MFF: variants seen among roughly 807,000 people sequenced by gnomAD.
MFF encodes the protein chromosome 2 open reading frame 33.
Under a neutral mutation model 36.9 loss-of-function variants are expected in MFF, and 12 were observed. That is an observed-to-expected ratio of 0.33 (90% CI 0.21 to 0.53). MFF has a LOEUF of 0.53. Among genes scored for constraint, MFF ranks in the 20% least tolerant of loss-of-function variants. The pLI is 0.95. For missense variants in MFF, 348 were observed against 366.6 expected (o/e 0.95, Z 0.42); for synonymous variants, 99 against 126.2 (o/e 0.78, Z 1.44).
At position 227,347,220 on chromosome 2, in the gene MFF, A is replaced by T. The variant is rs1164621448; in HGVS notation, c.441-6A>T. On this transcript the variant is annotated splice_region_variant and splice_polypyrimidine_tract_variant and intron_variant, in intron 5 of 8. Coordinates refer to ENST00000304593, the MANE Select transcript of MFF (RefSeq NM_001277062.2). ...TTCTCTTCATTTGCTGTGCTTGTGT[A>T]AACAGTGTGACACCATCGCCACAAC... 3.7e-6 allele frequency: 6 copies of T among 1,612,390 alleles called. No individual in the cohort carries two copies. The East Asian group carries it at 1.1e-4, about 30-fold the overall frequency.
Position 227,340,274 on chromosome 2 carries a change from CTCTT to C in MFF, c.352-16_352-13del, listed in dbSNP as rs1559965734. The C allele has an allele frequency of 1.3e-6, 2 of 1,590,950 alleles. No homozygotes were observed. Among genetic ancestry groups the C allele is most frequent in the Admixed American group, 3.4e-5 (2 of 59,124 alleles). On this transcript the variant is annotated splice_polypyrimidine_tract_variant and intron_variant, in intron 4 of 8. Transcript: ENST00000304593. ...TAAGAATATTTCTATTTCCTTCCCTCTCTTTGTGCCTTAACAGATCCGAGCAGTT... is the reference window on the plus strand; with the variant it reads ...TAAGAATATTTCTATTTCCTTCCCTCTGTGCCTTAACAGATCCGAGCAGTT...
At chr2:227,352,964 T>C (rs2076074560) in intron 7 of MFF, among the ~76,000 whole-genome samples, 1 of 152,228 alleles carries the variant, frequency 6.6e-6, no homozygotes, top group African/African-American at 2.4e-5. Context: ...TCTGGAATGT[T>C]ACTTTTAGTG....
rs2074010288 is a variant in MFF, at chr2:227,325,394, G to C, written c.-186G>C. 1 of 155,466 alleles carries C rather than the reference G, an allele frequency of 6.4e-6. No homozygotes were observed. Among genetic ancestry groups the C allele is most frequent in the African/African-American group, 2.4e-5 (1 of 41,660 alleles). The allele number at this position is 155,466 out of a possible 1,614,324, so 9.6% of individuals were successfully genotyped here. On this transcript the variant is annotated 5_prime_UTR_variant, in exon 1 of 9. Transcript: ENST00000304593. ...GAGCGCCCCGGGAGCCAGAGGGCGG[G>C]GGTCCTCGCCGGGACCCTCCTGTGG...
chr2:227,345,071 C>T (rs2075637378), intron 5 of MFF, among the ~76,000 whole-genome samples: 1 of 152,142 alleles, frequency 6.6e-6, no homozygotes, highest in South Asian at 2.1e-4. Flanking sequence ...CAACCTTCTG[C>T]ATTCCATCTT....
rs750625651 is a variant in MFF at position 227,355,770 on chromosome 2, T to A, written c.744+9T>A. ...CTTCACTAAGACGACAGGTATTTAGTGTACCAAATAAGATATATTTCTCAG... is the reference window on the plus strand; with the variant it reads ...CTTCACTAAGACGACAGGTATTTAGAGTACCAAATAAGATATATTTCTCAG... On this transcript the variant is annotated intron_variant, in intron 8 of 8. Transcript: ENST00000304593. 110 of 1,506,466 alleles carry A rather than the reference T, an allele frequency of 7.3e-5. No homozygotes were observed. The highest frequency in any genetic ancestry group is 9.8e-5 in the Non-Finnish European group (107 of 1,092,780). 93.3% of individuals were successfully genotyped at this position (1,506,466 alleles called of 1,614,324 possible). A position where few individuals can be genotyped will look rare whatever the true frequency, so the allele number is the denominator to read the frequency against.
Position 227,357,282 on chromosome 2 carries a change from A to C in MFF, c.*165A>C, listed in dbSNP as rs183483171. The C allele has an allele frequency of 8.9e-3, 6,372 of 716,130 alleles. 77 individuals are homozygous for C. The highest frequency in any genetic ancestry group is 0.043 in the Middle Eastern group (108 of 2,528). The allele number at this position is 716,130 out of a possible 1,614,324, so 44.4% of individuals were successfully genotyped here. A position where few individuals can be genotyped will look rare whatever the true frequency, so the allele number is the denominator to read the frequency against. On this transcript the variant is annotated 3_prime_UTR_variant, in exon 9 of 9. Coordinates refer to ENST00000304593, the MANE Select transcript of MFF (RefSeq NM_001277062.2). The stretch of plus-strand genomic sequence containing the variant: ...GGAAGGACCTATATTTGTAGAAGTA[A>C]AGGTATATTCTGTCACTCAGCTGTA...
At position 227,348,097 on chromosome 2, in the gene MFF, A is replaced by G. The variant is rs2075805134; in HGVS notation, c.599+713A>G. Among the ~76,000 whole-genome samples the G allele has an allele frequency of 2.0e-5, 3 of 152,174 alleles. No homozygotes were observed. The South Asian group carries it at 6.2e-4, about 31-fold the overall frequency. On this transcript the variant is annotated intron_variant, in intron 6 of 8. Transcript: ENST00000304593. ...TTTTGGCATAGTGTGGGAAAGATAGAGTCAATTTCATTTCAACTCTGAACA... is the reference window on the plus strand; with the variant it reads ...TTTTGGCATAGTGTGGGAAAGATAGGGTCAATTTCATTTCAACTCTGAACA...
rs1193052353 is a variant in MFF, at chr2:227,352,508, C to T, written c.600-6C>T. On this transcript the variant is annotated splice_region_variant and splice_polypyrimidine_tract_variant and intron_variant, in intron 6 of 8. Transcript: ENST00000304593. The stretch of plus-strand genomic sequence containing the variant: ...TTGTGCCTTCTCCCGCAAAAACCTG[C>T]CTTAGACCTGTGTTGCGTGGTGGGT... The T allele has an allele frequency of 6.9e-7, 1 of 1,452,612 alleles. No homozygotes were observed. The highest frequency in any genetic ancestry group is 9.2e-7 in the Non-Finnish European group (1 of 1,081,508). 90.0% of individuals were successfully genotyped at this position (1,452,612 alleles called of 1,614,324 possible).
At chr2:227,335,171 CAA>C (rs386392817) in intron 4 of MFF, among the ~76,000 whole-genome samples, 5 of 128,656 alleles carry the variant, frequency 3.9e-5, no homozygotes, top group Admixed American at 1.6e-4. Flanking sequence ...CTCTGTCTCT[CAA>C]AAAAAAAAAA....
intron 1 of MFF, among the ~76,000 whole-genome samples, chr2:227,326,712 C>T (rs1033572793): frequency 6.6e-6 from 1 of 152,174 alleles, no homozygotes; most frequent in Non-Finnish European, 1.5e-5. Context: ...TGAAAAAGAA[C>T]TGAAACAGGG....
chr2:227,328,924 C>G (rs1424547712), intron 2 of MFF, 135 bp downstream of exon 2: 1 of 152,176 alleles, frequency 6.6e-6, no homozygotes, highest in African/African-American at 2.4e-5. Context: ...ATAGTCAAAC[C>G]AGTTGCTGGG....
At chr2:227,328,142 C>T (rs1206001911) in intron 1 of MFF, among the ~76,000 whole-genome samples, 2 of 151,798 alleles carry the variant, frequency 1.3e-5, no homozygotes, top group Non-Finnish European at 1.5e-5. Flanking sequence ...AGACGAAGGC[C>T]AGAGGATTTC....
intron 4 of MFF, among the ~76,000 whole-genome samples, chr2:227,332,791 G>C (rs1299067503): frequency 6.6e-6 from 1 of 152,234 alleles, no homozygotes; most frequent in Non-Finnish European, 1.5e-5. Flanking sequence ...TAGGAAAAAT[G>C]TAAGTTTTGT....
chr2:227,330,734 C>A lies in MFF; in HGVS notation c.69C>A (p.Val23=), dbSNP rs1453104891. The stretch of plus-strand genomic sequence containing the variant: ...AAGGCATTAGTCAGCGAATGAGGGT[C>A]CCAGAAAAGTTAAAAGTAGCACCGC... The part of the protein sequence containing the change: ...YTEGISQRMR[V]PEKLKVAPPN... Residue 23 remains valine (V), a synonymous_variant, in exon 3 of 9, where the codon GTC becomes GTA. Transcript: ENST00000304593. 3.1e-6 allele frequency: 5 copies of A among 1,614,146 alleles called. No individual in the cohort carries two copies. The highest frequency in any genetic ancestry group is 3.4e-6 in the Non-Finnish European group (4 of 1,179,994).
intron 5 of MFF, among the ~76,000 whole-genome samples, chr2:227,344,386 C>CTT (rs2075590516): frequency 6.6e-6 from 1 of 152,110 alleles, no homozygotes; most frequent in Non-Finnish European, 1.5e-5. Context: ...ACTACAGAAA[C>CTT]AGGAAGTCAT....
chr2:227,329,071 T>G (rs2106338476), intron 2 of MFF: 2 of 152,476 alleles, frequency 1.3e-5, no homozygotes, highest in Middle Eastern at 3.4e-3. Flanking sequence ...TGTCTTTAAC[T>G]TTTTATGTCT....
At chr2:227,327,864 T>G (rs897430500) in intron 1 of MFF, among the ~76,000 whole-genome samples, 2 of 152,226 alleles carry the variant, frequency 1.3e-5, no homozygotes, top group African/African-American at 4.8e-5. Flanking sequence ...GTTCTGAATA[T>G]GAGCTTTTGC....
intron 1 of MFF, among the ~76,000 whole-genome samples, chr2:227,327,270 AAGAG>A (rs1383287254): frequency 6.6e-6 from 1 of 152,136 alleles, no homozygotes; most frequent in Non-Finnish European, 1.5e-5. Flanking sequence ...CTGTGATTCT[AAGAG>A]AGATTTTGCC....
chr2:227,333,424 A>C (rs1173657203), intron 4 of MFF, among the ~76,000 whole-genome samples: 1 of 152,210 alleles, frequency 6.6e-6, no homozygotes, highest in African/African-American at 2.4e-5. Flanking sequence ...GTATTTGGTG[A>C]AAAGCACTAA....
Sources: gnomAD v4.1 joint callset for allele counts (sites outside exome capture counted in the v4.1 genomes callset) on GRCh38, gnomAD v4.1.1 for gene constraint, MANE v1.5 for transcripts, NCBI Gene and HGNC (gene_info 2026-07-23, HGNC 2026-07-21) for gene names.